The following PPP1R3F variants were observed in gnomAD, a reference collection of about 807,000 sequenced individuals.
The protein encoded by PPP1R3F is protein phosphatase 1 regulatory subunit 3F, also known as protein phosphatase 1, regulatory (inhibitor) subunit 3F.
In PPP1R3F, 29 loss-of-function variants were observed where a neutral mutation model predicts 24.2. That is an observed-to-expected ratio of 1.20 (90% CI 0.89 to 1.63). The LOEUF is 1.63. Ranked by LOEUF, PPP1R3F falls within the 40% of genes most tolerant of loss-of-function variation. PPP1R3F has a pLI of 0.00. For synonymous variants in PPP1R3F, 363 were observed against 340.1 expected (o/e 1.07, Z -0.74); for missense variants, 823 against 729.3 (o/e 1.13, Z -1.48).
At position 49,286,275 on chromosome X, in the gene PPP1R3F, C is replaced by G. The variant is rs782152181; in HGVS notation, c.1585C>G (p.Leu529Val). The change falls in exon 4 of 4, where the codon CTG (leucine) becomes GTG (valine). Residue 529 changes from leucine (L) to valine (V), a missense_variant. Physicochemically the swap from Leu to Val is conservative, Grantham distance 32. Transcript: ENST00000055335. ...GTCCCCCAGCCATCCCCTGGGCATACTGACGGACCGCGACCTGATCTTGAA... is the reference window on the plus strand; with the variant it reads ...GTCCCCCAGCCATCCCCTGGGCATAGTGACGGACCGCGACCTGATCTTGAA... ...GMSPSHPLGI[L>V]TDRDLILKWP... The G allele has an allele frequency of 8.3e-7, 1 of 1,209,953 alleles. No individual in the cohort carries two copies. Among genetic ancestry groups the G allele is most frequent in the Non-Finnish European group, 1.1e-6 (1 of 894,977 alleles).
Position 49,270,386 on chromosome X carries a change from C to G in PPP1R3F, c.517C>G (p.Arg173Gly), listed in dbSNP as rs1452746519. ...VLRGLVRVLN[R>G]SFEKAVHVRA... ...GCGCGGGTTGGTACGCGTGCTGAACCGCTCCTTCGAGAAGGCGGTGCACGT... is the reference window on the plus strand; with the variant it reads ...GCGCGGGTTGGTACGCGTGCTGAACGGCTCCTTCGAGAAGGCGGTGCACGT... The change falls in exon 1 of 4, where the codon CGC becomes GGC. Residue 173 changes from arginine (R) to glycine (G), a missense_variant. Arg to Gly is a moderately radical substitution (Grantham distance 125). Transcript: ENST00000055335. 1 of 1,163,943 alleles carries G rather than the reference C, an allele frequency of 8.6e-7. No homozygotes were observed. The highest frequency in any genetic ancestry group is 1.1e-6 in the Non-Finnish European group (1 of 877,452).
At position 49,286,054 on chromosome X, in the gene PPP1R3F, C is replaced by A; in HGVS notation, c.1364C>A (p.Ala455Glu). ...GPFLEPSQQQ[A>E]EATWGVSSEN... The stretch of plus-strand genomic sequence containing the variant: ...TTCCTGGAGCCCAGTCAGCAGCAGG[C>A]AGAGGCCACATGGGGAGTATCGAGT... Residue 455 changes from alanine to glutamate, a missense_variant, in exon 4 of 4, where the codon GCA (alanine) becomes GAA (glutamate). By Grantham distance (107) the Ala-to-Glu change is moderately radical (BLOSUM62 -1). Coordinates refer to ENST00000055335, the MANE Select transcript of PPP1R3F (RefSeq NM_033215.5). The A allele has an allele frequency of 8.5e-7, 1 of 1,177,032 alleles. No individual in the cohort carries two copies.
At chrX:49,288,312 A>G (rs1352521018), downstream of PPP1R3F, among the ~76,000 whole-genome samples, 2 of 112,337 alleles carry the variant, frequency 1.8e-5, no homozygotes, top group African/African-American at 6.5e-5. Flanking sequence ...AGCATTTGAC[A>G]TAGTTGATCA....
intron 3 of PPP1R3F, among the ~76,000 whole-genome samples, chrX:49,293,765 G>A (rs2066315446): frequency 8.9e-6 from 1 of 112,477 alleles, no homozygotes; most frequent in African/African-American, 3.2e-5. Context: ...GGAGGCCGAG[G>A]TGGGAGGATC....
At chrX:49,300,009 G>A (rs1342898540) in intron 3 of PPP1R3F, among the ~76,000 whole-genome samples, 12 of 111,732 alleles carry the variant, frequency 1.1e-4, no homozygotes, top group African/African-American at 3.9e-4. Flanking sequence ...CCCCTTTCCA[G>A]TGGAGTGAAC....
chrX:49,273,505 C>T (rs781825122), intron 1 of PPP1R3F: 6 of 112,251 alleles, frequency 5.3e-5, no homozygotes, highest in South Asian at 7.6e-4. Flanking sequence ...CTTTATCTTT[C>T]GATCTCAGCT....
At chrX:49,298,845 C>T (rs2147981098) in intron 3 of PPP1R3F, among the ~76,000 whole-genome samples, 1 of 110,620 alleles carries the variant, frequency 9.0e-6, no homozygotes. Flanking sequence ...CTGTGTTTTT[C>T]AGCTCTATCT....
chrX:49,277,201 C>T (rs1263577539), intron 1 of PPP1R3F, among the ~76,000 whole-genome samples: 2 of 112,911 alleles, frequency 1.8e-5, no homozygotes, highest in Non-Finnish European at 3.7e-5. Context: ...TCTTGGCTGG[C>T]CTAGGCCGGG....
chrX:49,290,871 G>C (rs1557122272), downstream of PPP1R3F, among the ~76,000 whole-genome samples: 1 of 112,044 alleles, frequency 8.9e-6, no homozygotes, highest in Non-Finnish European at 1.9e-5. Context: ...GGGCAAGACT[G>C]AGTACACGCC....
intron 3 of PPP1R3F, among the ~76,000 whole-genome samples, chrX:49,296,426 G>A (rs1557122837): frequency 9.1e-6 from 1 of 109,646 alleles, no homozygotes; most frequent in Non-Finnish European, 1.9e-5. Context: ...TTATTAATCT[G>A]GCTAGCAGTC....
Position 49,300,477 on chromosome X carries a change from G to GTTTTT in PPP1R3F, c.393-848_393-844dup, listed in dbSNP as rs35140303. Among the ~76,000 whole-genome samples the GTTTTT allele has an allele frequency of 2.8e-4, 20 of 70,376 alleles. 2 individuals are homozygous for GTTTTT. The highest frequency in any genetic ancestry group is 7.3e-4 in the African/African-American group (10 of 13,620). The allele number at this position is 70,376 out of a possible 115,157, so 61.1% of individuals were successfully genotyped here. A position where few individuals can be genotyped will look rare whatever the true frequency, so the allele number is the denominator to read the frequency against. ...ATTTGGCCATCTTGCTATTGCTGCTGTTTTTTTTTTTTTTTTTTTTTTTTT... is the reference window on the plus strand; with the variant it reads ...ATTTGGCCATCTTGCTATTGCTGCTGTTTTTTTTTTTTTTTTTTTTTTTTTTTTTT... On this transcript the variant is annotated intron_variant, in intron 3 of 3. Transcript: ENST00000471261.
rs782744118 is a variant in PPP1R3F, at chrX:49,287,032, A to G, written c.2342A>G (p.Asn781Ser). ...AGLVVVPVAL[N>S]SGVSLLVLAL... ...CTAGTGGTGGTCCCTGTGGCTCTGA[A>G]CAGCGGTGTGTCCCTCCTGGTGCTT... is the stretch of plus-strand genomic sequence containing the variant. Residue 781 changes from asparagine (N) to serine (S), a missense_variant, in exon 4 of 4, where the codon AAC becomes AGC. Physicochemically the swap from Asn to Ser is conservative, Grantham distance 46 (BLOSUM62 1). Coordinates refer to ENST00000055335, the MANE Select transcript of PPP1R3F (RefSeq NM_033215.5). The G allele has an allele frequency of 8.3e-7, 1 of 1,211,707 alleles. No homozygotes were observed. Among genetic ancestry groups the G allele is most frequent in the Admixed American group, 2.2e-5 (1 of 46,109 alleles).
chrX:49,287,104 G>C lies in PPP1R3F; in HGVS notation c.*14G>C. 5 of 1,205,109 alleles carry C rather than the reference G, an allele frequency of 4.1e-6. No individual in the cohort carries two copies. Among genetic ancestry groups the C allele is most frequent in the Non-Finnish European group, 5.6e-6 (5 of 892,197 alleles). Reference sequence around the variant, plus strand: ...TGGTTCTCATAGGCTCTGCTTGTGGGATCAGCAGAGGCTTAAGATGGGATA... The same window carrying C: ...TGGTTCTCATAGGCTCTGCTTGTGGCATCAGCAGAGGCTTAAGATGGGATA... On this transcript the variant is annotated 3_prime_UTR_variant, in exon 4 of 4. Transcript: ENST00000055335.
intron 1 of PPP1R3F, among the ~76,000 whole-genome samples, chrX:49,271,783 A>G (rs2066181833): frequency 8.8e-6 from 1 of 113,179 alleles, no homozygotes; most frequent in Non-Finnish European, 1.9e-5. Context: ...GCTCTAGCAG[A>G]GAGACAGAAC....
Position 49,270,121 on chromosome X carries a change from T to C in PPP1R3F, c.252T>C (p.Asp84=). Residue 84 remains aspartate (D), a synonymous_variant, in exon 1 of 4, where the codon GAT becomes GAC. Coordinates refer to ENST00000055335, the MANE Select transcript of PPP1R3F (RefSeq NM_033215.5). ...GGGGGADEDD[D]GEDGDEGEEE... ...GCGGCGGGGCCGACGAGGACGACGA[T>C]GGCGAGGATGGGGATGAAGGGGAGG... 9.6e-7 allele frequency: 1 copy of C among 1,040,634 alleles called. No individual in the cohort carries two copies. Among genetic ancestry groups the C allele is most frequent in the Non-Finnish European group, 1.2e-6 (1 of 815,643 alleles). The allele number at this position is 1,040,634 out of a possible 1,213,427, so 85.8% of individuals were successfully genotyped here.
At position 49,286,650 on chromosome X, in the gene PPP1R3F, C is replaced by T. The variant is rs782126068; in HGVS notation, c.1960C>T (p.His654Tyr). 1.2e-5 allele frequency: 15 copies of T among 1,208,828 alleles called. No homozygotes were observed. Among genetic ancestry groups the T allele is most frequent in the Non-Finnish European group, 1.7e-5 (15 of 894,398 alleles). ...KGMGKDTSSL[H>Y]MNRVIAGVTE... ...GATGGGCAAGGACACCAGCTCTTTG[C>T]ACATGAATAGGGTGATAGCTGGGGT... The change falls in exon 4 of 4, where the codon CAC (histidine) becomes TAC (tyrosine). Residue 654 changes from histidine to tyrosine, a missense_variant. By Grantham distance (83) the His-to-Tyr change is moderately conservative. Transcript: ENST00000055335.
rs1191413523 is a variant in PPP1R3F at position 49,269,929 on chromosome X, C to T, written c.60C>T (p.Ala20=). Residue 20 remains alanine (A), a synonymous_variant, in exon 1 of 4, where the codon GCC becomes GCT. Coordinates refer to ENST00000055335, the MANE Select transcript of PPP1R3F (RefSeq NM_033215.5). ...PLRHSAPPSP[A]AGEPRTSVEA... ...GGCATTCCGCGCCCCCCTCGCCGGC[C>T]GCGGGTGAGCCCCGCACCTCGGTCG... 5.6e-5 allele frequency: 51 copies of T among 904,857 alleles called. No individual in the cohort carries two copies. Among genetic ancestry groups the T allele is most frequent in the Middle Eastern group, 4.8e-4 (1 of 2,067 alleles). 74.6% of individuals were successfully genotyped at this position (904,857 alleles called of 1,213,427 possible).
chrX:49,282,279 T>A (rs781954450), intron 3 of PPP1R3F, among the ~76,000 whole-genome samples: 12 of 111,718 alleles, frequency 1.1e-4, no homozygotes, highest in Non-Finnish European at 2.3e-4. Context: ...ATTTATGGAG[T>A]GCTTGTTCTG....
chrX:49,291,291 TC>T (rs2066307642), downstream of PPP1R3F, among the ~76,000 whole-genome samples: 1 of 61,251 alleles, frequency 1.6e-5, no homozygotes, highest in Non-Finnish European at 2.9e-5. Context: ...CCTACTTTTC[TC>T]TCTCTCTCTC....
Sources: gnomAD v4.1 joint callset for allele counts (sites outside exome capture counted in the v4.1 genomes callset) on GRCh38, gnomAD v4.1.1 for gene constraint, MANE v1.5 for transcripts, NCBI Gene and HGNC (gene_info 2026-07-23, HGNC 2026-07-21) for gene names.